MTRF1: variants seen among roughly 807,000 people sequenced by gnomAD.
MTRF1 encodes the protein peptide chain release factor 1, mitochondrial.
In MTRF1, 51 loss-of-function variants were observed where a neutral mutation model predicts 62.9. The observed-to-expected ratio is 0.81, with a 90% CI of 0.65 to 1.02. MTRF1 has a LOEUF of 1.02. MTRF1 is among the 50% of genes least tolerant of loss of function. The pLI, the probability that MTRF1 is intolerant of heterozygous loss-of-function variation, is 0.00. For synonymous variants in MTRF1, 158 were observed against 181.9 expected (o/e 0.87, Z 1.06); for missense variants, 446 against 530.0 (o/e 0.84, Z 1.56).
At chr13:41,307,714 T>C in the MTRF1 span, among the ~76,000 whole-genome samples, 3 of 152,146 alleles carry the variant, frequency 2.0e-5, no homozygotes, top group Admixed American at 6.6e-5. Context: ...CCACCATGAT[T>C]GTAAGTTTCC....
chr13:41,244,716 G>A (rs1323630264), intron 5 of MTRF1, among the ~76,000 whole-genome samples: 3 of 152,140 alleles, frequency 2.0e-5, no homozygotes, highest in Non-Finnish European at 4.4e-5. Context: ...AGAGGCCCTC[G>A]TGGTGAAAAG....
At chr13:41,227,649 G>A (rs1412418810) in intron 7 of MTRF1, among the ~76,000 whole-genome samples, 2 of 152,178 alleles carry the variant, frequency 1.3e-5, no homozygotes, top group Non-Finnish European at 2.9e-5. Flanking sequence ...AGAGGAGAAA[G>A]GGATTTTCTT....
intron 6 of MTRF1, among the ~76,000 whole-genome samples, chr13:41,237,363 G>A (rs977633399): frequency 2.0e-5 from 3 of 151,546 alleles, no homozygotes; most frequent in Non-Finnish European, 1.5e-5. Flanking sequence ...ATATAATTAA[G>A]TAAAAGAGAA....
chr13:41,295,479 T>C, the MTRF1 span, among the ~76,000 whole-genome samples: 1 of 152,186 alleles, frequency 6.6e-6, no homozygotes, highest in Non-Finnish European at 1.5e-5. Context: ...AGGTTTGACT[T>C]CCAGGTTAAC....
chr13:41,272,903 G>C, the MTRF1 span, among the ~76,000 whole-genome samples: 1 of 152,086 alleles, frequency 6.6e-6, no homozygotes, highest in Non-Finnish European at 1.5e-5. Context: ...TTTAGATCTT[G>C]ACCAAATTTT....
chr13:41,222,553 G>A (rs958595514), intron 9 of MTRF1, among the ~76,000 whole-genome samples: 5 of 152,180 alleles, frequency 3.3e-5, no homozygotes, highest in Non-Finnish European at 7.4e-5. Flanking sequence ...CATTATCCAG[G>A]TGAGCTTGAC....
the MTRF1 span, among the ~76,000 whole-genome samples, chr13:41,305,879 G>C: frequency 6.6e-6 from 1 of 152,190 alleles, no homozygotes; most frequent in Non-Finnish European, 1.5e-5. Context: ...CTTGCTTTAA[G>C]TCCCTCATAG....
chr13:41,263,234 CAA>C (rs1230423269), intron 1 of MTRF1: 2 of 1,282,494 alleles, frequency 1.6e-6, no homozygotes, highest in Non-Finnish European at 2.0e-6. Flanking sequence ...TTAAGGAAAA[CAA>C]AACAAAACAA....
intron 7 of MTRF1, among the ~76,000 whole-genome samples, chr13:41,227,312 A>G (rs2034617820): frequency 6.6e-6 from 1 of 152,056 alleles, no homozygotes; most frequent in African/African-American, 2.4e-5. Flanking sequence ...AAAAAAAAAA[A>G]ACTTTATAGA....
At position 41,240,381 on chromosome 13, in the gene MTRF1, A is replaced by G; in HGVS notation, c.750T>C (p.His250=). The G allele has an allele frequency of 6.2e-7, 1 of 1,613,786 alleles. No homozygotes were observed. The highest frequency in any genetic ancestry group is 8.5e-7 in the Non-Finnish European group (1 of 1,179,856). The change falls in exon 6 of 10, where the codon CAT becomes CAC. Residue 250 remains histidine (H), a synonymous_variant. Coordinates refer to ENST00000379480, the MANE Select transcript of MTRF1 (RefSeq NM_004294.4). ...GGTGAATCCCACCCTCATACTTCAAATGCTTATAGACACCGTCACCGGAAA... is the reference window on the plus strand; with the variant it reads ...GGTGAATCCCACCCTCATACTTCAAGTGCTTATAGACACCGTCACCGGAAA... ...ARISGDGVYK[H]LKYEGGIHRV... is the part of the protein sequence containing the mutation.
At chr13:41,226,075 T>C (rs962439116) in intron 8 of MTRF1, among the ~76,000 whole-genome samples, 1 of 152,200 alleles carries the variant, frequency 6.6e-6, no homozygotes, top group Non-Finnish European at 1.5e-5. Flanking sequence ...CATAGAGTTA[T>C]AGTACAAGCA....
intron 2 of MTRF1, among the ~76,000 whole-genome samples, chr13:41,259,712 A>AAAAAAAAAAAAACAAAAAAAAAC (rs1555268029): frequency 4.1e-4 from 56 of 136,748 alleles, no homozygotes; most frequent in African/African-American, 1.5e-3. Flanking sequence ...AAAAAAAAAA[A>AAAAAAAAAAAAACAAAAAAAAAC]AAAAAAAAAC....
chr13:41,311,363 C>T, the MTRF1 span: 37 of 632,496 alleles, frequency 5.8e-5, no homozygotes, highest in Admixed American at 2.6e-4. Context: ...CATTGCCACC[C>T]GTGCCGAACA....
the MTRF1 span, among the ~76,000 whole-genome samples, chr13:41,290,730 G>T: frequency 2.6e-5 from 4 of 151,414 alleles, no homozygotes; most frequent in African/African-American, 9.7e-5. Context: ...AGATATATTT[G>T]AATCTAGTTA....
chr13:41,266,604 A>G (rs2139247694), upstream of MTRF1, among the ~76,000 whole-genome samples: 1 of 152,258 alleles, frequency 6.6e-6, no homozygotes, highest in African/African-American at 2.4e-5. Flanking sequence ...GCAACATGCT[A>G]TCTCAAAAAC....
At chr13:41,301,015 G>C in the MTRF1 span, among the ~76,000 whole-genome samples, 2 of 152,138 alleles carry the variant, frequency 1.3e-5, no homozygotes, top group Non-Finnish European at 2.9e-5. Context: ...ATGGATAATA[G>C]TATTTTTCTC....
chr13:41,298,037 G>T, the MTRF1 span, among the ~76,000 whole-genome samples: 79 of 150,690 alleles, frequency 5.2e-4, 3 homozygotes, highest in East Asian at 0.014. Flanking sequence ...CTTTTTTTTT[G>T]AGAGAAGGAG....
upstream of MTRF1, among the ~76,000 whole-genome samples, chr13:41,268,077 A>G (rs566691689): frequency 1.3e-5 from 2 of 152,206 alleles, no homozygotes; most frequent in Non-Finnish European, 2.9e-5. Flanking sequence ...CAAATTTCTT[A>G]TTATTCTAAC....
chr13:41,298,852 A>C, the MTRF1 span, among the ~76,000 whole-genome samples: 2 of 152,154 alleles, frequency 1.3e-5, no homozygotes, highest in African/African-American at 4.8e-5. Context: ...AGAGGAGGAA[A>C]GGGAGGTAAA....
Sources: gnomAD v4.1 joint callset for allele counts (sites outside exome capture counted in the v4.1 genomes callset) on GRCh38, gnomAD v4.1.1 for gene constraint, MANE v1.5 for transcripts, NCBI Gene and HGNC (gene_info 2026-07-23, HGNC 2026-07-21) for gene names.